The following RNF123 variants were observed in gnomAD, a reference collection of about 807,000 sequenced individuals.
RNF123 encodes the protein E3 ubiquitin-protein ligase RNF123.
In RNF123, 86 loss-of-function variants were observed where a neutral mutation model predicts 168.5. The ratio of observed to expected loss-of-function variants is 0.51; its 90% confidence interval spans 0.43 to 0.61. The LOEUF is 0.61. RNF123 is among the 20% of genes least tolerant of loss of function. The pLI, the probability that RNF123 is intolerant of heterozygous loss-of-function variation, is 0.00. For synonymous variants in RNF123, 666 were observed against 689.1 expected, an observed-to-expected ratio of 0.97 and a Z score of 0.52; for missense variants, 1,419 against 1,729.7, an observed-to-expected ratio of 0.82 and a Z score of 3.19.
rs776512535 is a variant in RNF123 at position 49,719,068 on chromosome 3, C to T, written c.3501-1443C>T. On this transcript the variant is annotated intron_variant, in intron 35 of 38. Coordinates refer to ENST00000327697, the MANE Select transcript of RNF123 (RefSeq NM_022064.5). ...GAACAGAAGCAGCTTCTCCAGCGCC[C>T]CCAGCCCGTCGAGGTCGTGGCGGCC... The T allele has an allele frequency of 4.2e-5, 67 of 1,613,688 alleles. No homozygotes were observed. The East Asian group carries it at 1.5e-3, about 36-fold the overall frequency.
rs190557398 is a variant in RNF123, at chr3:49,706,014, C to T, written c.2337C>T (p.Tyr779=). The T allele has an allele frequency of 1.5e-5, 25 of 1,614,086 alleles. No individual in the cohort carries two copies. In the East Asian group the frequency reaches 2.0e-4, roughly 13 times the overall value. The change falls in exon 25 of 39, where the codon TAC becomes TAT. Residue 779 remains tyrosine, a synonymous_variant. Coordinates refer to ENST00000327697, the MANE Select transcript of RNF123 (RefSeq NM_022064.5). ...MVGVSDDVNE[Y]AMALRDTEDK... Reference sequence around the variant, plus strand: ...GTGTCTCCGATGATGTCAATGAATACGCTATGGCTCTGAGGGACACAGAGG... The same window carrying T: ...GTGTCTCCGATGATGTCAATGAATATGCTATGGCTCTGAGGGACACAGAGG...
In RNF123 at chr3:49,710,960, G is replaced by A. The variant is rs180719032; in HGVS notation, c.2497-1519G>A. Among the ~76,000 whole-genome samples the A allele has an allele frequency of 8.6e-4, 131 of 152,280 alleles. 1 individual carries two copies. The highest frequency in any genetic ancestry group is 3.4e-3 in the Middle Eastern group (1 of 294). Reference sequence around the variant, plus strand: ...GTGTCTTTCTAATCCCATTATTAATGGAGAGATTCACTCCTGTAAACCAGC... The same window carrying A: ...GTGTCTTTCTAATCCCATTATTAATAGAGAGATTCACTCCTGTAAACCAGC... On this transcript the variant is annotated intron_variant, in intron 26 of 38. Transcript: ENST00000327697.
chr3:49,718,842 GGCC>G (rs2080314791), intron 35 of RNF123: 1 of 1,613,348 alleles, frequency 6.2e-7, no homozygotes, highest in African/African-American at 1.3e-5. Flanking sequence ...TCTTGAGGAA[GGCC>G]GGCAGCGCGG....
At chr3:49,705,812 G>C in intron 24 of RNF123, 133 bp downstream of exon 24, 2 of 1,467,580 alleles carry the variant, frequency 1.4e-6, no homozygotes, top group South Asian at 1.2e-5. Flanking sequence ...CCTCAGCGAG[G>C]CTGGTTTCTG....
rs1054202838 is a variant in RNF123 at position 49,698,667 on chromosome 3, C to T, written c.571-88C>T. ...TCCTTTGTCCTTGTGGCTAGTCTCC[C>T]TTGGGTGGTTCTGGAAACGCAGCTG... is the stretch of plus-strand genomic sequence containing the variant. On this transcript the variant is annotated intron_variant, in intron 8 of 38. Transcript: ENST00000327697. The T allele has an allele frequency of 5.1e-6, 8 of 1,556,904 alleles. No individual in the cohort carries two copies. The East Asian group carries it at 6.7e-5, about 13-fold the overall frequency.
Position 49,703,474 on chromosome 3 carries a change from T to G in RNF123, c.1798T>G (p.Phe600Val), listed in dbSNP as rs750973493. ...QVFYNGKVDY[F>V]DLQRLGGLLS... Reference sequence around the variant, plus strand: ...CTTCTATAATGGCAAGGTGGACTACTTTGACCTGCAGCGCCTGGGGGGCCT... The same window carrying G: ...CTTCTATAATGGCAAGGTGGACTACGTTGACCTGCAGCGCCTGGGGGGCCT... The change falls in exon 21 of 39, where the codon TTT becomes GTT. Residue 600 changes from phenylalanine (F) to valine (V), a missense_variant. Phe to Val is a conservative substitution (Grantham distance 50). This residue lies in a region of RNF123 where 349 missense variants were observed against 344.9 expected (regional missense o/e 1.01). Coordinates refer to ENST00000327697, the MANE Select transcript of RNF123 (RefSeq NM_022064.5). 26 of 1,614,122 alleles carry G rather than the reference T, an allele frequency of 1.6e-5. No individual in the cohort carries two copies. Among genetic ancestry groups the G allele is most frequent in the Non-Finnish European group, 2.1e-5 (25 of 1,179,986 alleles).
intron 35 of RNF123, chr3:49,717,873 G>T (rs2080278804): frequency 6.8e-7 from 1 of 1,477,156 alleles, no homozygotes; most frequent in Non-Finnish European, 9.1e-7. Flanking sequence ...ACCAGTATCT[G>T]CCAGTTCTCT....
Position 49,718,436 on chromosome 3 carries a change from C to T in RNF123, c.3500+1959C>T, listed in dbSNP as rs762882013. On this transcript the variant is annotated intron_variant, in intron 35 of 38. Coordinates refer to ENST00000327697, the MANE Select transcript of RNF123 (RefSeq NM_022064.5). ...CACACGAAGAGTCCCGCATGCTGCTCCTGTACGTTGCCTATGGCCAAGCTG... is the reference window on the plus strand; with the variant it reads ...CACACGAAGAGTCCCGCATGCTGCTTCTGTACGTTGCCTATGGCCAAGCTG... 1.9e-6 allele frequency: 3 copies of T among 1,612,966 alleles called. No homozygotes were observed. The South Asian group carries it at 3.3e-5, about 18-fold the overall frequency.
At position 49,715,815 on chromosome 3, in the gene RNF123, G is replaced by A; in HGVS notation, c.3151-7G>A. ...GACCACTGCATGCCCACGTGTTGGT[G>A]GCTCAGATCCAGCAGGCTGCTGAGC... On this transcript the variant is annotated splice_polypyrimidine_tract_variant and splice_region_variant and intron_variant, in intron 32 of 38. Transcript: ENST00000327697. The A allele has an allele frequency of 6.2e-7, 1 of 1,613,986 alleles. No homozygotes were observed. The highest frequency in any genetic ancestry group is 8.5e-7 in the Non-Finnish European group (1 of 1,179,928).
intron 31 of RNF123, among the ~76,000 whole-genome samples, chr3:49,714,471 T>C (rs2080202911): frequency 1.3e-5 from 2 of 152,244 alleles, no homozygotes; most frequent in African/African-American, 2.4e-5. Context: ...CCTGGCCTGC[T>C]ACAGCTCATG....
At position 49,699,205 on chromosome 3, in the gene RNF123, C is replaced by A; in HGVS notation, c.764+100C>A. 1 of 1,478,816 alleles carries A rather than the reference C, an allele frequency of 6.8e-7. No individual in the cohort carries two copies. Among genetic ancestry groups the A allele is most frequent in the Non-Finnish European group, 9.1e-7 (1 of 1,100,078 alleles). 91.6% of individuals were successfully genotyped at this position (1,478,816 alleles called of 1,614,324 possible). A position where few individuals can be genotyped will look rare whatever the true frequency, so the allele number is the denominator to read the frequency against. Reference sequence around the variant, plus strand: ...AGGGGTGCCATGGGCTGGTGGCAGGCCCTGGCTGCTGCAGAGTTAGTGGGG... The same window carrying A: ...AGGGGTGCCATGGGCTGGTGGCAGGACCTGGCTGCTGCAGAGTTAGTGGGG... On this transcript the variant is annotated intron_variant, in intron 10 of 38. Coordinates refer to ENST00000327697, the MANE Select transcript of RNF123 (RefSeq NM_022064.5). The surrounding 1 kb of genome is among the most constrained non-coding windows in gnomAD (Gnocchi z 4.8).
intron 35 of RNF123, chr3:49,717,267 A>G (rs1245948689): frequency 6.4e-6 from 1 of 155,400 alleles, no homozygotes; most frequent in African/African-American, 2.4e-5. Context: ...AGGCCAGACC[A>G]CCAGGAACCT....
At chr3:49,696,584 G>A (rs1479740346) in intron 3 of RNF123, among the ~76,000 whole-genome samples, 11 of 150,164 alleles carry the variant, frequency 7.3e-5, no homozygotes, top group East Asian at 4.0e-4. Flanking sequence ...TGATCTGCCC[G>A]CCTCAGCCTC....
intron 31 of RNF123, 130 bp downstream of exon 31, chr3:49,714,304 A>G (rs1436046507): frequency 1.3e-6 from 1 of 791,678 alleles, no homozygotes; most frequent in Non-Finnish European, 2.1e-6. Flanking sequence ...CAGACTCCCT[A>G]CGTGTCCCCT....
Position 49,701,472 on chromosome 3 carries a change from C to T in RNF123, c.1278-19C>T. On this transcript the variant is annotated intron_variant, in intron 15 of 38. Coordinates refer to ENST00000327697, the MANE Select transcript of RNF123 (RefSeq NM_022064.5). The stretch of plus-strand genomic sequence containing the variant: ...AGAGTGCCCTTTGGCAAGCAGAGCC[C>T]TGCCTTGACACCCGCCAGCTTCGAC... 6.2e-7 allele frequency: 1 copy of T among 1,604,010 alleles called. No homozygotes were observed. Among genetic ancestry groups the T allele is most frequent in the Non-Finnish European group, 8.5e-7 (1 of 1,171,236 alleles).
intron 23 of RNF123, 136 bp downstream of exon 23, chr3:49,705,318 C>T: frequency 4.0e-6 from 5 of 1,243,522 alleles, no homozygotes; most frequent in Non-Finnish European, 5.6e-6. Context: ...GTGCAGGAAG[C>T]ACACTCCGAG....
intron 15 of RNF123, 39 bp downstream of exon 15, chr3:49,700,748 T>C: frequency 3.1e-6 from 5 of 1,608,522 alleles, no homozygotes; most frequent in Non-Finnish European, 4.3e-6. Context: ...AGACATGGGG[T>C]GCCCTCTGGA....
At position 49,698,988 on chromosome 3, in the gene RNF123, T is replaced by C. The variant is rs1377582188; in HGVS notation, c.647T>C (p.Val216Ala). Residue 216 changes from valine (V) to alanine (A), a missense_variant, in exon 10 of 39, where the codon GTA becomes GCA. Transcript: ENST00000327697. Reference sequence around the variant, plus strand: ...CCCACCCTTCTCCCCAGGAACGGTGTATCACTGGGCACTGCCTTTGAGAAC... The same window carrying C: ...CCCACCCTTCTCCCCAGGAACGGTGCATCACTGGGCACTGCCTTTGAGAAC... ...DGTLSFCLNG[V>A]SLGTAFENLS... 1.9e-6 allele frequency: 3 copies of C among 1,613,708 alleles called. No individual in the cohort carries two copies. Among genetic ancestry groups the C allele is most frequent in the African/African-American group, 2.7e-5 (2 of 74,922 alleles).
chr3:49,716,586 A>T, intron 35 of RNF123, 109 bp downstream of exon 35: 1 of 962,954 alleles, frequency 1.0e-6, no homozygotes, highest in Non-Finnish European at 1.6e-6. Context: ...AATGGACCTC[A>T]GCATCAGGTT....
Sources: allele counts gnomAD v4.1 joint callset (sites outside exome capture counted in the v4.1 genomes callset), GRCh38; gene constraint gnomAD v4.1.1; regional missense constraint gnomAD v4.1.1; non-coding constraint Gnocchi (gnomAD v3.1); transcripts MANE v1.5; gene names NCBI Gene and HGNC (gene_info 2026-07-23, HGNC 2026-07-21).